The following ANK1 variants were observed in gnomAD, a reference collection of about 807,000 sequenced individuals.
The protein encoded by ANK1 is ankyrin-1.
ANK1 carries 51 observed loss-of-function variants against 210.4 expected under a neutral mutation model. The ratio of observed to expected loss-of-function variants is 0.24; its 90% CI spans 0.19 to 0.31. The LOEUF (loss-of-function observed/expected upper bound fraction) is 0.31. Among genes scored for constraint, ANK1 ranks in the 10% least tolerant of loss-of-function variants. The probability of loss-of-function intolerance (pLI) is 1.00; values close to 1 mark genes in which losing one functional copy is unlikely to be tolerated. For synonymous variants in ANK1, 967 were observed against 1,025.9 expected, an observed-to-expected ratio of 0.94 and a Z score of 1.10; for missense variants, 2,051 against 2,504.4, an observed-to-expected ratio of 0.82 and a Z score of 3.86.
chr8:41,692,182 G>A (rs897024128), intron 31 of ANK1, among the ~76,000 whole-genome samples: 6 of 151,952 alleles, frequency 3.9e-5, no homozygotes, highest in African/African-American at 9.7e-5. Context: ...TCAGCCACCC[G>A]AGTAGCTGGG....
chr8:41,684,612 C>T lies in ANK1; in HGVS notation c.4469G>A (p.Ser1490Asn), dbSNP rs375675063. The change falls in exon 37 of 43, where the codon AGC (serine) becomes AAC (asparagine). Residue 1490 changes from serine (S) to asparagine (N), a missense_variant. Coordinates refer to ENST00000289734, the MANE Select transcript of ANK1 (RefSeq NM_000037.4). ...VNMLEGSGRQSRNLKPDRRHT... is the reference protein window; with the variant it reads ...VNMLEGSGRQNRNLKPDRRHT... ...CCGCCTGTCTGGCTTCAAGTTGCGG[C>T]TCTGTCGGCCGGAACCCTCCAGCAT... 8 of 1,613,814 alleles carry T rather than the reference C, an allele frequency of 5.0e-6. No homozygotes were observed. Among genetic ancestry groups the T allele is most frequent in the African/African-American group, 4.0e-5 (3 of 74,930 alleles).
chr8:41,756,916 T>G (rs1839294056), intron 2 of ANK1, among the ~76,000 whole-genome samples: 1 of 152,164 alleles, frequency 6.6e-6, no homozygotes, highest in Admixed American at 6.5e-5. Context: ...GACACTATGC[T>G]AAATAAAAGA....
chr8:41,808,256 A>G (rs1425971365), intron 1 of ANK1, among the ~76,000 whole-genome samples: 4 of 152,242 alleles, frequency 2.6e-5, no homozygotes, highest in Non-Finnish European at 5.9e-5. Flanking sequence ...GGTTGTTTCA[A>G]TTCCAGAGCA....
intron 1 of ANK1, among the ~76,000 whole-genome samples, chr8:41,809,248 T>A (rs1427227470): frequency 6.6e-6 from 1 of 152,218 alleles, no homozygotes; most frequent in Non-Finnish European, 1.5e-5. Context: ...ATTTAGCTAA[T>A]TATCCCAATC....
At chr8:41,684,076 A>G (rs1217443104) in intron 37 of ANK1, among the ~76,000 whole-genome samples, 1 of 152,244 alleles carries the variant, frequency 6.6e-6, no homozygotes, top group East Asian at 1.9e-4. Context: ...GTTAAACTGC[A>G]CTAGACCTTG....
At chr8:41,867,963 G>A (rs535731967) in intron 1 of ANK1, among the ~76,000 whole-genome samples, 5 of 152,310 alleles carry the variant, frequency 3.3e-5, no homozygotes, top group East Asian at 1.9e-4. Context: ...AGGTTCAAGC[G>A]ATTCTCGTGC....
chr8:41,847,939 C>A (rs1312332102), intron 1 of ANK1, among the ~76,000 whole-genome samples: 2 of 152,074 alleles, frequency 1.3e-5, no homozygotes, highest in Non-Finnish European at 2.9e-5. Flanking sequence ...GAGGCCGAGG[C>A]GGGCAGATCA....
chr8:41,691,090 G>A (rs1819160524), intron 31 of ANK1, among the ~76,000 whole-genome samples: 1 of 152,160 alleles, frequency 6.6e-6, no homozygotes, highest in South Asian at 2.1e-4. Flanking sequence ...GCCAGGTGTG[G>A]TGGCATGTGC....
At chr8:41,762,184 GT>G (rs1305980031) in intron 1 of ANK1, among the ~76,000 whole-genome samples, 1 of 152,114 alleles carries the variant, frequency 6.6e-6, no homozygotes, top group Non-Finnish European at 1.5e-5. Context: ...CTCATGCTCT[GT>G]CTACCTCCTA....
At chr8:41,755,308 G>A (rs1048209613) in intron 2 of ANK1, among the ~76,000 whole-genome samples, 1 of 152,224 alleles carries the variant, frequency 6.6e-6, no homozygotes, top group Non-Finnish European at 1.5e-5. Context: ...TCAGGACACA[G>A]CTATTCCCTG....
rs12680417 is a variant in ANK1, at chr8:41,847,905, A to C, written c.126+48450T>G. ...AACTGTGGGCCAGGCGCAGTGGCTC[A>C]CACCTATAATCCCAGCACTTTGGGA... On this transcript the variant is annotated intron_variant, in intron 1 of 42. Transcript: ENST00000265709. Among the ~76,000 whole-genome samples, 710 of 152,280 alleles carry C rather than the reference A, an allele frequency of 4.7e-3. 4 individuals carry two copies. Among genetic ancestry groups the C allele is most frequent in the East Asian group, 0.027 (139 of 5,180 alleles).
intron 1 of ANK1, among the ~76,000 whole-genome samples, chr8:41,765,214 T>C (rs1035890224): frequency 9.9e-5 from 15 of 151,500 alleles, no homozygotes; most frequent in African/African-American, 3.6e-4. Flanking sequence ...TTTTTTCTCT[T>C]TCTTTCTTTT....
At chr8:41,842,125 C>T (rs1484104927) in intron 1 of ANK1, among the ~76,000 whole-genome samples, 1 of 152,210 alleles carries the variant, frequency 6.6e-6, no homozygotes, top group Non-Finnish European at 1.5e-5. Flanking sequence ...AGGCAGCACC[C>T]CAGGAGGCAC....
upstream of ANK1, among the ~76,000 whole-genome samples, chr8:41,798,673 G>A (rs1849313358): frequency 6.6e-6 from 1 of 152,216 alleles, no homozygotes; most frequent in Admixed American, 6.5e-5. Context: ...CTGAGCTGCG[G>A]GGCCAGGGGC....
chr8:41,798,257 C>A (rs190924904), upstream of ANK1, among the ~76,000 whole-genome samples: 400 of 152,186 alleles, frequency 2.6e-3, 2 homozygotes, highest in African/African-American at 9.1e-3. Flanking sequence ...AAGCGCGCTG[C>A]CCCCTCTGTT....
intron 16 of ANK1, among the ~76,000 whole-genome samples, chr8:41,712,900 C>T (rs1826541251): frequency 6.6e-6 from 1 of 152,120 alleles, no homozygotes; most frequent in Non-Finnish European, 1.5e-5. Flanking sequence ...TTTTTAGAGG[C>T]AGGAGTAAGT....
Position 41,688,540 on chromosome 8 carries a change from C to T in ANK1, c.4154G>A (p.Arg1385Gln), listed in dbSNP as rs1431339388. ...TGTGGACTCACTGAGAATGCTGTAT[C>T]GCAGGGCCAGGGGCGTCGGGGTCCT... ...RRRTPTPLAL[R>Q]YSILSESTPG... The change falls in exon 34 of 43, where the codon CGA becomes CAA. Residue 1385 changes from arginine (R) to glutamine (Q), a missense_variant. This residue lies in a region of ANK1 where 1,413 missense variants were observed against 1,707.4 expected (regional missense o/e 0.83). Coordinates refer to ENST00000289734, the MANE Select transcript of ANK1 (RefSeq NM_000037.4). The T allele has an allele frequency of 2.5e-6, 4 of 1,614,204 alleles. No homozygotes were observed. The highest frequency in any genetic ancestry group is 2.2e-5 in the East Asian group (1 of 44,874).
chr8:41,764,584 C>T (rs1369955093), intron 1 of ANK1, among the ~76,000 whole-genome samples: 1 of 152,204 alleles, frequency 6.6e-6, no homozygotes, highest in Non-Finnish European at 1.5e-5. Flanking sequence ...AGAAAACTAC[C>T]CCACCGTGTC....
intron 1 of ANK1, among the ~76,000 whole-genome samples, chr8:41,861,914 C>T (rs568306611): frequency 3.3e-5 from 5 of 152,316 alleles, no homozygotes; most frequent in Admixed American, 2.6e-4. Context: ...TGCCCACCTC[C>T]GCACGCCTCC....
Sources: allele counts gnomAD v4.1 joint callset (sites outside exome capture counted in the v4.1 genomes callset), GRCh38; gene constraint gnomAD v4.1.1; regional missense constraint gnomAD v4.1.1; transcripts MANE v1.5; gene names NCBI Gene and HGNC (gene_info 2026-07-23, HGNC 2026-07-21).